Variants in LYST observed in about 807,000 individuals in gnomAD.
LYST encodes the protein lysosomal trafficking regulator, also known as lysosomal-trafficking regulator.
In LYST, 192 loss-of-function variants were observed where a neutral mutation model predicts 413.6. That is an observed-to-expected ratio of 0.46 (90% CI 0.41 to 0.52). LYST has a LOEUF of 0.52. LYST is among the 20% of genes least tolerant of loss of function. The pLI, the probability that LYST is intolerant of heterozygous loss-of-function variation, is 0.00. For synonymous variants in LYST, 1,525 were observed against 1,567.3 expected (o/e 0.97, Z 0.64); for missense variants, 3,815 against 4,499.9 (o/e 0.85, Z 4.35).
chr1:235,724,534 C>T (rs533047480), intron 38 of LYST, among the ~76,000 whole-genome samples: 1 of 152,100 alleles, frequency 6.6e-6, no homozygotes, highest in Admixed American at 6.5e-5. Context: ...ACCAATATTG[C>T]TACAATTTTT....
chr1:235,724,362 T>TA (rs146393636), intron 38 of LYST, among the ~76,000 whole-genome samples, 182 bp from the exon 39 acceptor site: 8 of 151,794 alleles, frequency 5.3e-5, no homozygotes, highest in South Asian at 2.1e-4. Context: ...AATTTAGAAA[T>TA]AAAAAAAATA....
chr1:235,748,949 T>C (rs1290495774), intron 28 of LYST, among the ~76,000 whole-genome samples: 1 of 152,182 alleles, frequency 6.6e-6, no homozygotes, highest in Non-Finnish European at 1.5e-5. Context: ...GCAGTGGGGC[T>C]GGAGGTGTCA....
Position 235,759,439 on chromosome 1 carries a change from A to C in LYST, c.6414T>G (p.Thr2138=). 6.2e-7 allele frequency: 1 copy of C among 1,614,140 alleles called. No homozygotes were observed. Among genetic ancestry groups the C allele is most frequent in the Non-Finnish European group, 8.5e-7 (1 of 1,179,998 alleles). The change falls in exon 23 of 53, where the codon ACT becomes ACG. Residue 2138 remains threonine, a synonymous_variant. Coordinates refer to ENST00000389793, the MANE Select transcript of LYST (RefSeq NM_000081.4). ...SIDRLQNIAD[T]YVATQSKKQN... ...GTTTCTTTGATTGGGTGGCAACATA[A>C]GTATCTGCAATATTTTGTAACCTGT...
chr1:235,738,372 T>C (rs549752911), intron 31 of LYST: 4 of 1,612,932 alleles, frequency 2.5e-6, no homozygotes, highest in African/African-American at 2.7e-5. Flanking sequence ...CCTAATGTTG[T>C]AAAATACAGC....
chr1:235,681,192 A>T (rs1308453373), intron 48 of LYST, among the ~76,000 whole-genome samples: 1 of 152,174 alleles, frequency 6.6e-6, no homozygotes, highest in Non-Finnish European at 1.5e-5. Flanking sequence ...AGTTTTGAAG[A>T]ACTGGCAGAA....
rs1462203583 is a variant in LYST, at chr1:235,810,449, A to G, written c.369T>C (p.His123=). The G allele has an allele frequency of 1.2e-6, 2 of 1,609,776 alleles. No homozygotes were observed. Among genetic ancestry groups the G allele is most frequent in the Non-Finnish European group, 1.7e-6 (2 of 1,178,952 alleles). The part of the protein sequence containing the change: ...SSQRSTQEKL[H]LEGSALSSQV... ...GACTAGACAGGGCACTTCCTTCTAA[A>G]TGTAATTTTTCCTGAGTGGATCTTT... Residue 123 remains histidine, a synonymous_variant, in exon 5 of 53, where the codon CAT becomes CAC. Transcript: ENST00000389793.
In LYST at chr1:235,686,244, G is replaced by T. The variant is rs907382989; in HGVS notation, c.10800+705C>A. ...TGGCCGGGCGTGGTGGCACATGCCT[G>T]TGGTCCCAGCTACTCGAGAGGCTGA... is the stretch of plus-strand genomic sequence containing the variant. On this transcript the variant is annotated intron_variant, in intron 48 of 52. Coordinates refer to ENST00000389793, the MANE Select transcript of LYST (RefSeq NM_000081.4). This position sits in a 1 kb window ranked among gnomAD's most constrained non-coding sequence, Gnocchi z 4.0. Among the ~76,000 whole-genome samples the T allele has an allele frequency of 6.6e-6, 1 of 152,158 alleles. No individual in the cohort carries two copies. Among genetic ancestry groups the T allele is most frequent in the Non-Finnish European group, 1.5e-5 (1 of 68,012 alleles).
Position 235,791,904 on chromosome 1 carries a change from C to T in LYST, c.4338G>A (p.Arg1446=), listed in dbSNP as rs774383969. ...GGGCTATGTGCCAAGATGAAAGCAG[C>T]CGATGGGGAAAACTCTCTCTATCAG... ...KEADRESFPH[R]LLSSWHIAPV... Residue 1446 remains arginine, a synonymous_variant, in exon 12 of 53, where the codon CGG becomes CGA. Coordinates refer to ENST00000389793, the MANE Select transcript of LYST (RefSeq NM_000081.4). 3.2e-5 allele frequency: 52 copies of T among 1,614,000 alleles called. No homozygotes were observed. The highest frequency in any genetic ancestry group is 4.4e-5 in the Non-Finnish European group (52 of 1,180,006).
Position 235,729,587 on chromosome 1 carries a change from T to C in LYST, c.9106+9A>G. Reference sequence around the variant, plus strand: ...GAATATGTGCAAAATTCTTCAAAATTTGACTTACCTAGTAACAATTCACCA... The same window carrying C: ...GAATATGTGCAAAATTCTTCAAAATCTGACTTACCTAGTAACAATTCACCA... On this transcript the variant is annotated intron_variant, in intron 37 of 52. Transcript: ENST00000389793. 6.3e-7 allele frequency: 1 copy of C among 1,595,080 alleles called. No homozygotes were observed. The highest frequency in any genetic ancestry group is 8.6e-7 in the Non-Finnish European group (1 of 1,163,072).
intron 26 of LYST, 71 bp downstream of exon 26, chr1:235,752,973 A>C: frequency 1.2e-6 from 1 of 831,676 alleles, no homozygotes. Context: ...TAGTAAAGTA[A>C]ACTAATACTA....
chr1:235,804,403 C>G lies in LYST; in HGVS notation c.3555+101G>C, dbSNP rs1160486312. On this transcript the variant is annotated intron_variant, in intron 7 of 52. Coordinates refer to ENST00000389793, the MANE Select transcript of LYST (RefSeq NM_000081.4). ...TGAACTCATCTGACCAAGTCCTAGT[C>G]CATATGCTCTAATGACATTCATCAG... 3 of 904,636 alleles carry G rather than the reference C, an allele frequency of 3.3e-6. No homozygotes were observed. In the African/African-American group the frequency reaches 4.9e-5, roughly 15 times the overall value. 56.0% of individuals were successfully genotyped at this position (904,636 alleles called of 1,614,324 possible).
intron 6 of LYST, 69 bp downstream of exon 6, chr1:235,805,674 A>G (rs1672753631): frequency 1.3e-6 from 1 of 747,616 alleles, no homozygotes; most frequent in East Asian, 2.9e-5. Context: ...CATTTTTTAT[A>G]TATATATGTG....
intron 16 of LYST, among the ~76,000 whole-genome samples, chr1:235,780,018 A>G (rs747555968): frequency 1.3e-5 from 2 of 152,192 alleles, no homozygotes; most frequent in Non-Finnish European, 2.9e-5. Context: ...GTAGAACAAA[A>G]TATTGGAATA....
Position 235,712,056 on chromosome 1 carries a change from C to A in LYST, c.9925+1G>T. ...AAATTAAAAATAATTTATTGCTATA[C>A]CTTCACGGTTAACTAGGAACTCTGG... is the stretch of plus-strand genomic sequence containing the variant. On this transcript the variant is annotated splice_donor_variant, in intron 43 of 52. Transcript: ENST00000389793. LOFTEE classifies it high-confidence loss of function. 1.3e-6 allele frequency: 2 copies of A among 1,533,224 alleles called. No homozygotes were observed. The highest frequency in any genetic ancestry group is 1.8e-6 in the Non-Finnish European group (2 of 1,134,120). The allele number at this position is 1,533,224 out of a possible 1,614,324, so 95.0% of individuals were successfully genotyped here.
chr1:235,870,728 A>T (rs1246458083), upstream of LYST, among the ~76,000 whole-genome samples: 1 of 152,204 alleles, frequency 6.6e-6, no homozygotes, highest in African/African-American at 2.4e-5. Flanking sequence ...CAAGGGCCAC[A>T]ATCTTTGTTC....
rs1332544609 is a variant in LYST at position 235,782,075 on chromosome 1, A to T, written c.4875T>A (p.Val1625=). ...TTCTTGGAAGCATAAAATCCAAAGTAACATCAGGCTTCCTACATTAAAAAC... is the reference window on the plus strand; with the variant it reads ...TTCTTGGAAGCATAAAATCCAAAGTTACATCAGGCTTCCTACATTAAAAAC... ...IWVSGQRKPD[V]TLDFMLPRKT... is the part of the protein sequence containing the mutation. The change falls in exon 15 of 53, where the codon GTT becomes GTA. Residue 1625 remains valine (V), a synonymous_variant. Transcript: ENST00000389793. The T allele has an allele frequency of 6.2e-7, 1 of 1,612,730 alleles. No individual in the cohort carries two copies. Among genetic ancestry groups the T allele is most frequent in the East Asian group, 2.2e-5 (1 of 44,758 alleles).
intron 14 of LYST, among the ~76,000 whole-genome samples, chr1:235,786,321 G>A (rs550610137): frequency 3.0e-4 from 46 of 152,272 alleles, no homozygotes; most frequent in Non-Finnish European, 5.3e-4. Context: ...AAATTTTTCA[G>A]AGAAATGCAA....
chr1:235,775,102 G>T lies in LYST; in HGVS notation c.5461-16C>A, dbSNP rs1375517506. ...GTTCAACAACCTAAAAAAAAAAATG[G>T]GTGGATATAGTTTTCTCCCAATTTG... On this transcript the variant is annotated splice_polypyrimidine_tract_variant and intron_variant, in intron 17 of 52. Transcript: ENST00000389793. 3.1e-6 allele frequency: 5 copies of T among 1,592,436 alleles called. No homozygotes were observed. Among genetic ancestry groups the T allele is most frequent in the Non-Finnish European group, 4.3e-6 (5 of 1,165,470 alleles).
At chr1:235,875,825 C>T (rs1188234672) in intron 1 of LYST, among the ~76,000 whole-genome samples, 4 of 152,160 alleles carry the variant, frequency 2.6e-5, no homozygotes, top group Non-Finnish European at 4.4e-5. Context: ...CAGAGCGAGA[C>T]TCTGTTTCAA....
Sources: gnomAD v4.1 joint callset for allele counts (sites outside exome capture counted in the v4.1 genomes callset) on GRCh38, gnomAD v4.1.1 for gene constraint, Gnocchi (gnomAD v3.1) non-coding constraint, MANE v1.5 for transcripts, NCBI Gene and HGNC (gene_info 2026-07-23, HGNC 2026-07-21) for gene names.